The following FAM163A variants were observed in gnomAD, a reference collection of about 807,000 sequenced individuals.
The protein encoded by FAM163A is family with sequence similarity 163 member A, also known as protein FAM163A.
FAM163A carries 7 observed loss-of-function variants against 12.0 expected under a neutral mutation model. That is an observed-to-expected ratio of 0.58 (90% CI 0.33 to 1.10). FAM163A has a LOEUF of 1.10. Among genes scored for constraint, FAM163A ranks in the 50% least tolerant of loss-of-function variants. The probability of loss-of-function intolerance (pLI) is 0.03; values close to 1 mark genes in which losing one functional copy is unlikely to be tolerated. For missense variants in FAM163A, 202 were observed against 218.6 expected (o/e 0.92, Z 0.48); for synonymous variants, 101 against 91.0 (o/e 1.11, Z -0.62).
At chr1:179,782,428 CG>C (rs1423551145) in intron 1 of FAM163A, among the ~76,000 whole-genome samples, 1 of 151,874 alleles carries the variant, frequency 6.6e-6, no homozygotes, top group Non-Finnish European at 1.5e-5. Flanking sequence ...TGATGTGGTC[CG>C]GGCAGCACAG....
chr1:179,741,218 C>T (rs139004879), upstream of FAM163A, among the ~76,000 whole-genome samples: 124 of 152,282 alleles, frequency 8.1e-4, 1 homozygote, highest in East Asian at 3.9e-3. Context: ...GGATATGAAA[C>T]GAAGATCACA....
intron 1 of FAM163A, among the ~76,000 whole-genome samples, chr1:179,778,622 ATAG>A (rs1167147735): frequency 6.6e-6 from 1 of 152,192 alleles, no homozygotes; most frequent in Admixed American, 6.5e-5. Context: ...AGTAGGAAAG[ATAG>A]TAGCATTCCA....
intron 1 of FAM163A, among the ~76,000 whole-genome samples, chr1:179,759,187 C>T (rs557851161): frequency 6.6e-6 from 1 of 152,232 alleles, no homozygotes; most frequent in East Asian, 1.9e-4. Context: ...CAGGAGCATC[C>T]CTGGCCTCTG....
At chr1:179,739,102 G>T (rs1195575642), upstream of FAM163A, among the ~76,000 whole-genome samples, 3 of 151,986 alleles carry the variant, frequency 2.0e-5, no homozygotes, top group Non-Finnish European at 4.4e-5. Context: ...ACCTTATTAG[G>T]CAAGAAGAAG....
chr1:179,785,335 G>T (rs1210992157), intron 1 of FAM163A, among the ~76,000 whole-genome samples: 1 of 152,206 alleles, frequency 6.6e-6, no homozygotes, highest in Non-Finnish European at 1.5e-5. Context: ...ACTGTGAGTG[G>T]AAGTCTCTGA....
chr1:179,755,280 G>A (rs1160800697), intron 1 of FAM163A, among the ~76,000 whole-genome samples: 1 of 152,198 alleles, frequency 6.6e-6, no homozygotes, highest in Non-Finnish European at 1.5e-5. Context: ...GGGGCAGAAT[G>A]ATTGGTCAGG....
At chr1:179,758,698 T>A (rs982441684) in intron 1 of FAM163A, among the ~76,000 whole-genome samples, 5 of 152,246 alleles carry the variant, frequency 3.3e-5, no homozygotes, top group African/African-American at 1.2e-4. Flanking sequence ...TATGCACTGG[T>A]AGGGCCATGC....
At chr1:179,796,647 A>C (rs1020390913) in intron 1 of FAM163A, among the ~76,000 whole-genome samples, 1 of 152,068 alleles carries the variant, frequency 6.6e-6, no homozygotes. Context: ...AAGTACATCC[A>C]GGTTGGCTAC....
At chr1:179,760,101 G>C (rs1435796173) in intron 1 of FAM163A, among the ~76,000 whole-genome samples, 1 of 152,220 alleles carries the variant, frequency 6.6e-6, no homozygotes, top group Non-Finnish European at 1.5e-5. Flanking sequence ...GCAGCCAGTT[G>C]GAAGATGGTT....
the FAM163A span, among the ~76,000 whole-genome samples, chr1:179,737,959 C>G: frequency 6.6e-6 from 1 of 152,086 alleles, no homozygotes; most frequent in Non-Finnish European, 1.5e-5. Flanking sequence ...AGATTGAATA[C>G]GTTAAATAGG....
At chr1:179,757,673 G>T (rs1330709262) in intron 1 of FAM163A, among the ~76,000 whole-genome samples, 1 of 152,252 alleles carries the variant, frequency 6.6e-6, no homozygotes, top group South Asian at 2.1e-4. Context: ...TTAGCCAGGC[G>T]TGGTGGCACA....
At chr1:179,748,332 T>C (rs529683000) in intron 1 of FAM163A, among the ~76,000 whole-genome samples, 2 of 152,244 alleles carry the variant, frequency 1.3e-5, no homozygotes, top group East Asian at 3.9e-4. Context: ...AGCAAGAAGC[T>C]GGGTTGGGCT....
chr1:179,777,467 G>A (rs976344861), intron 1 of FAM163A, among the ~76,000 whole-genome samples: 12 of 152,130 alleles, frequency 7.9e-5, no homozygotes, highest in East Asian at 1.9e-4. Context: ...ATCAGCCTTC[G>A]TGTGCCACCC....
rs1213619945 is a variant in FAM163A, at chr1:179,816,179, C to G, written c.*1990C>G. On this transcript the variant is annotated 3_prime_UTR_variant, in exon 5 of 5. Transcript: ENST00000341785. ...TGATGGATGAAAGACCACAATAAAA[C>G]AAGATTAGCAGCAAAACAATTTTAA... 1 of 152,230 alleles carries G rather than the reference C, an allele frequency of 6.6e-6. No individual in the cohort carries two copies. Among genetic ancestry groups the G allele is most frequent in the Non-Finnish European group, 1.5e-5 (1 of 68,040 alleles). The allele number at this position is 152,230 out of a possible 1,614,324, so 9.4% of individuals were successfully genotyped here.
upstream of FAM163A, chr1:179,743,246 C>G (rs961591382): frequency 6.6e-6 from 1 of 152,366 alleles, no homozygotes; most frequent in Non-Finnish European, 1.5e-5. Context: ...GCCCCCAGCC[C>G]TGGCCACCTG....
At chr1:179,751,904 A>G (rs1685330545) in intron 1 of FAM163A, among the ~76,000 whole-genome samples, 1 of 152,194 alleles carries the variant, frequency 6.6e-6, no homozygotes, top group Non-Finnish European at 1.5e-5. Flanking sequence ...TGGCAGATAC[A>G]ATGCAATCCC....
At position 179,814,454 on chromosome 1, in the gene FAM163A, C is replaced by A; in HGVS notation, c.*265C>A. ...CCAGTTTCTTGGTTGGGACACTCCTCTGGCAGCCCCAGCACCACCACAACC... is the reference window on the plus strand; with the variant it reads ...CCAGTTTCTTGGTTGGGACACTCCTATGGCAGCCCCAGCACCACCACAACC... On this transcript the variant is annotated 3_prime_UTR_variant, in exon 5 of 5. Transcript: ENST00000341785. The A allele has an allele frequency of 2.1e-6, 1 of 475,710 alleles. No individual in the cohort carries two copies. Among genetic ancestry groups the A allele is most frequent in the Non-Finnish European group, 3.7e-6 (1 of 269,816 alleles). 29.5% of individuals were successfully genotyped at this position (475,710 alleles called of 1,614,324 possible). A position where few individuals can be genotyped will look rare whatever the true frequency, so the allele number is the denominator to read the frequency against.
At chr1:179,804,008 C>T (rs2148331057) in intron 1 of FAM163A, 1 of 134,368 alleles carries the variant, frequency 7.4e-6, no homozygotes, top group South Asian at 2.5e-4. Flanking sequence ...AGGGGGAAGC[C>T]TAAGAAGAAC....
Position 179,814,207 on chromosome 1 carries a change from C to A in FAM163A, c.*18C>A, listed in dbSNP as rs755656424. ...ACGTGTAAATCCTTCCACCCCGACCCGCACACACACCCACACTGCTGCCCT... is the reference window on the plus strand; with the variant it reads ...ACGTGTAAATCCTTCCACCCCGACCAGCACACACACCCACACTGCTGCCCT... On this transcript the variant is annotated 3_prime_UTR_variant, in exon 5 of 5. Transcript: ENST00000341785. 5 of 1,586,364 alleles carry A rather than the reference C, an allele frequency of 3.2e-6. No homozygotes were observed. The highest frequency in any genetic ancestry group is 3.4e-6 in the Non-Finnish European group (4 of 1,163,912).
Sources: gnomAD v4.1 joint callset for allele counts (sites outside exome capture counted in the v4.1 genomes callset) on GRCh38, gnomAD v4.1.1 for gene constraint, MANE v1.5 for transcripts, NCBI Gene and HGNC (gene_info 2026-07-23, HGNC 2026-07-21) for gene names.